The following C10orf143 variants were observed in gnomAD, a reference collection of about 807,000 sequenced individuals.
C10orf143 encodes the protein uncharacterized protein C10orf143.
intron 3 of C10orf143, among the ~76,000 whole-genome samples, chr10:130,046,447 T>G (rs1860674139): frequency 6.6e-6 from 1 of 152,028 alleles, no homozygotes; most frequent in African/African-American, 2.4e-5. Context: ...CTTAATTATG[T>G]GTGACATAAA....
intron 1 of C10orf143, among the ~76,000 whole-genome samples, chr10:130,094,014 T>A (rs1431822084): frequency 7.0e-5 from 3 of 42,780 alleles, no homozygotes; most frequent in Non-Finnish European, 9.4e-5. Context: ...CATCTCACCA[T>A]TAAAAAAAAA....
intron 3 of C10orf143, among the ~76,000 whole-genome samples, chr10:130,040,061 C>T (rs535776407): frequency 6.6e-6 from 1 of 152,292 alleles, no homozygotes; most frequent in Non-Finnish European, 1.5e-5. Flanking sequence ...GCCATTCTCC[C>T]TTTCCATGGG....
chr10:130,062,106 C>A (rs139245368), downstream of C10orf143, among the ~76,000 whole-genome samples: 1 of 152,296 alleles, frequency 6.6e-6, no homozygotes, highest in East Asian at 1.9e-4. Context: ...TCTGGAATTT[C>A]TGAGCCTTCT....
chr10:130,043,996 GGAGAGA>G (rs139473238), intron 3 of C10orf143, among the ~76,000 whole-genome samples: 5 of 149,386 alleles, frequency 3.3e-5, no homozygotes, highest in Admixed American at 6.7e-5. Flanking sequence ...ACCATGGCAG[GGAGAGA>G]GAGAGAGAGA....
chr10:130,041,790 T>C (rs1363056685), intron 3 of C10orf143, among the ~76,000 whole-genome samples: 2 of 151,658 alleles, frequency 1.3e-5, no homozygotes, highest in Non-Finnish European at 2.9e-5. Flanking sequence ...GTAGGACTTT[T>C]ATGTATAATT....
chr10:130,061,427 C>G (rs946077212), downstream of C10orf143, among the ~76,000 whole-genome samples: 1 of 152,170 alleles, frequency 6.6e-6, no homozygotes, highest in African/African-American at 2.4e-5. Context: ...TTGTTAACCA[C>G]TTACCATGCT....
downstream of C10orf143, among the ~76,000 whole-genome samples, chr10:130,059,230 G>T (rs543737235): frequency 3.3e-5 from 5 of 152,096 alleles, no homozygotes; most frequent in Admixed American, 3.3e-4. Context: ...GGAAAGAAAG[G>T]CCTTTCTCAA....
chr10:130,068,948 G>A (rs1455972787), intron 3 of C10orf143, among the ~76,000 whole-genome samples: 3 of 152,178 alleles, frequency 2.0e-5, no homozygotes, highest in East Asian at 1.9e-4. Context: ...GGGAGTCTCA[G>A]AGGAAAAGGA....
chr10:130,055,751 C>T (rs904657365), intron 3 of C10orf143, among the ~76,000 whole-genome samples: 2 of 151,908 alleles, frequency 1.3e-5, no homozygotes, highest in Admixed American at 1.3e-4. Context: ...TGAGACCAGC[C>T]TGGCCAACAT....
intron 3 of C10orf143, among the ~76,000 whole-genome samples, chr10:130,039,975 A>G (rs759950154): frequency 4.6e-5 from 7 of 152,176 alleles, no homozygotes; most frequent in Non-Finnish European, 8.8e-5. Flanking sequence ...TAATTCTGAA[A>G]TCAGCAGTGG....
chr10:130,106,258 T>C, intron 1 of C10orf143: 1 of 1,531,014 alleles, frequency 6.5e-7, no homozygotes, highest in Middle Eastern at 1.7e-4. Context: ...GTCGGCTTTA[T>C]GTGGGAAGAG....
chr10:130,090,414 C>G (rs951034947), intron 1 of C10orf143, among the ~76,000 whole-genome samples: 1 of 152,188 alleles, frequency 6.6e-6, no homozygotes, highest in Non-Finnish European at 1.5e-5. Context: ...GTCTTCGCAA[C>G]CCACAGACCA....
intron 3 of C10orf143, among the ~76,000 whole-genome samples, chr10:130,042,622 G>A (rs762125257): frequency 1.5e-4 from 23 of 152,314 alleles, no homozygotes; most frequent in Non-Finnish European, 7.3e-5. Context: ...TTAACACCAT[G>A]GGCATCTGAA....
At chr10:130,082,872 A>T (rs886775935) in intron 1 of C10orf143, among the ~76,000 whole-genome samples, 1 of 152,064 alleles carries the variant, frequency 6.6e-6, no homozygotes, top group African/African-American at 2.4e-5. Flanking sequence ...GTAGGGAAAG[A>T]TTTTCTAACT....
At chr10:130,051,261 C>T (rs1306470288) in intron 3 of C10orf143, among the ~76,000 whole-genome samples, 1 of 150,932 alleles carries the variant, frequency 6.6e-6, no homozygotes, top group East Asian at 2.0e-4. Flanking sequence ...CATTAAGAGT[C>T]TCATCTCCCT....
intron 1 of C10orf143, 93 bp downstream of exon 1, chr10:130,110,611 G>A (rs1234011040): frequency 7.5e-6 from 3 of 398,124 alleles, no homozygotes; most frequent in Admixed American, 4.4e-5. Flanking sequence ...CTCCTCACAG[G>A]CAGGGCCGCG....
chr10:130,068,908 T>A (rs1181486866), intron 3 of C10orf143, among the ~76,000 whole-genome samples: 1 of 152,030 alleles, frequency 6.6e-6, no homozygotes, highest in East Asian at 1.9e-4. Flanking sequence ...CCTGTGCAGC[T>A]CCATCAGGTG....
intron 1 of C10orf143, among the ~76,000 whole-genome samples, chr10:130,105,852 T>A (rs1054087362): frequency 6.6e-6 from 1 of 152,150 alleles, no homozygotes; most frequent in Non-Finnish European, 1.5e-5. Flanking sequence ...CAGGATGTAG[T>A]GTAACAAGGG....
intron 1 of C10orf143, among the ~76,000 whole-genome samples, chr10:130,095,038 C>CA (rs1861441068): frequency 6.6e-6 from 1 of 152,134 alleles, no homozygotes; most frequent in African/African-American, 2.4e-5. Flanking sequence ...TCTCAGGATA[C>CA]AAAATCAATG....
Sources: allele counts gnomAD v4.1 joint callset (sites outside exome capture counted in the v4.1 genomes callset), GRCh38; gene constraint gnomAD v4.1.1; transcripts MANE v1.5; gene names NCBI Gene and HGNC (gene_info 2026-07-23, HGNC 2026-07-21).